The following CADM2 variants were observed in gnomAD, a reference collection of about 807,000 sequenced individuals.
CADM2 encodes cell adhesion molecule 2.
A neutral mutation model predicts 49.8 loss-of-function variants in CADM2; 12 were observed. The ratio of observed to expected loss-of-function variants is 0.24; its 90% CI spans 0.15 to 0.39. CADM2 has a LOEUF of 0.39. Ranked by LOEUF, CADM2 falls within the 10% of genes least tolerant of loss-of-function variation. CADM2 has a pLI of 1.00. For missense variants in CADM2, 378 were observed against 492.3 expected (o/e 0.77, Z 2.20); for synonymous variants, 214 against 175.4 (o/e 1.22, Z -1.74).
intron 1 of CADM2, among the ~76,000 whole-genome samples, chr3:85,384,394 C>T (rs2034091068): frequency 6.6e-6 from 1 of 151,990 alleles, no homozygotes; most frequent in Admixed American, 6.6e-5. Flanking sequence ...TTGCTGCAAC[C>T]TCCACCTGCG....
intron 1 of CADM2, among the ~76,000 whole-genome samples, chr3:85,620,043 T>C (rs1204092821): frequency 6.6e-6 from 1 of 152,144 alleles, no homozygotes; most frequent in African/African-American, 2.4e-5. Context: ...AGAGACACCA[T>C]GAATATGATG....
At position 85,509,669 on chromosome 3, in the gene CADM2, C is replaced by T. The variant is rs531177894; in HGVS notation, c.62-216853C>T. Reference sequence around the variant, plus strand: ...GGTTTGTTAGCAATATCCTATTTTACAGAAAAGCATTGTGAGATGTGTGAC... The same window carrying T: ...GGTTTGTTAGCAATATCCTATTTTATAGAAAAGCATTGTGAGATGTGTGAC... On this transcript the variant is annotated intron_variant, in intron 1 of 9. Transcript: ENST00000383699. Among the ~76,000 whole-genome samples, 14 of 152,090 alleles carry T rather than the reference C, an allele frequency of 9.2e-5. No homozygotes were observed. The South Asian group carries it at 2.9e-3, about 32-fold the overall frequency.
At chr3:86,006,387 C>G (rs1387331052) in intron 8 of CADM2, among the ~76,000 whole-genome samples, 1 of 152,122 alleles carries the variant, frequency 6.6e-6, no homozygotes, top group Non-Finnish European at 1.5e-5. Flanking sequence ...GTACATATGT[C>G]TTGGTATTAC....
At chr3:85,668,339 CA>C in intron 1 of CADM2, among the ~76,000 whole-genome samples, 1 of 111,558 alleles carries the variant, frequency 9.0e-6, no homozygotes, top group East Asian at 2.5e-4. Flanking sequence ...CACAAACAAA[CA>C]AAAAAACACC....
chr3:85,246,140 T>C (rs1263660574), intron 1 of CADM2, among the ~76,000 whole-genome samples: 6 of 152,168 alleles, frequency 3.9e-5, no homozygotes, highest in Non-Finnish European at 8.8e-5. Context: ...GTTCATGTCC[T>C]TTGTAGGTAC....
Position 85,367,942 on chromosome 3 carries a change from C to G in CADM2, c.62-358580C>G, listed in dbSNP as rs137977361. On this transcript the variant is annotated intron_variant, in intron 1 of 9. Transcript: ENST00000383699. ...CTTGAAACTGACAATATGACCTTCTCAAAAGTATGGTAAGAATTGGAATAG... is the reference window on the plus strand; with the variant it reads ...CTTGAAACTGACAATATGACCTTCTGAAAAGTATGGTAAGAATTGGAATAG... Among the ~76,000 whole-genome samples the G allele has an allele frequency of 2.5e-3, 379 of 151,846 alleles. 1 individual carries two copies. Among genetic ancestry groups the G allele is most frequent in the African/African-American group, 8.7e-3 (362 of 41,420 alleles).
intron 2 of CADM2, among the ~76,000 whole-genome samples, chr3:85,784,530 TTATCTATCTATC>T (rs71112118): frequency 0.16 from 22,112 of 142,198 alleles, 1,887 homozygotes; most frequent in African/African-American, 0.24. Context: ...CTAAATATAT[TTATCTATCTATC>T]TATCTATCTA....
At chr3:85,702,753 A>AGT (rs1312330674) in intron 1 of CADM2, among the ~76,000 whole-genome samples, 3 of 152,124 alleles carry the variant, frequency 2.0e-5, no homozygotes. Context: ...TTGTTTGCTT[A>AGT]TGTGTTTACT....
chr3:85,563,376 A>G (rs1027546322), intron 1 of CADM2, among the ~76,000 whole-genome samples: 1 of 143,976 alleles, frequency 6.9e-6, no homozygotes, highest in Non-Finnish European at 1.5e-5. Flanking sequence ...AAATGATTCT[A>G]CGTATTGCAA....
chr3:86,043,744 C>T (rs767147760), intron 8 of CADM2, among the ~76,000 whole-genome samples: 2 of 152,248 alleles, frequency 1.3e-5, no homozygotes, highest in Admixed American at 6.5e-5. Context: ...AAAGAGACCA[C>T]CTTGCCAAGT....
At chr3:85,060,258 G>A (rs1399763917) in intron 1 of CADM2, among the ~76,000 whole-genome samples, 4 of 151,898 alleles carry the variant, frequency 2.6e-5, no homozygotes, top group African/African-American at 4.8e-5. Flanking sequence ...AGCCTCCTAA[G>A]TGGGATTACA....
chr3:86,065,326 G>A (rs1739180128), intron 8 of CADM2, among the ~76,000 whole-genome samples: 1 of 152,122 alleles, frequency 6.6e-6, no homozygotes, highest in Non-Finnish European at 1.5e-5. Context: ...GAGGAGGAAG[G>A]AAAGGTCTAT....
chr3:84,991,510 C>A (rs562760957), intron 1 of CADM2, among the ~76,000 whole-genome samples: 32 of 152,200 alleles, frequency 2.1e-4, no homozygotes, highest in African/African-American at 7.0e-4. Flanking sequence ...AGGAAAAAAA[C>A]TAATAGTCTT....
chr3:85,635,928 T>C (rs1323978763), intron 1 of CADM2, among the ~76,000 whole-genome samples: 2 of 152,180 alleles, frequency 1.3e-5, no homozygotes, highest in East Asian at 1.9e-4. Context: ...CATTGTCATA[T>C]AGAACAATAC....
chr3:85,451,726 T>C (rs1277729162), intron 1 of CADM2, among the ~76,000 whole-genome samples: 1 of 152,146 alleles, frequency 6.6e-6, no homozygotes, highest in Non-Finnish European at 1.5e-5. Context: ...GGCAGATGCC[T>C]TTAAAATGAC....
chr3:85,743,715 TA>T (rs1281892722), intron 2 of CADM2, among the ~76,000 whole-genome samples: 2 of 152,164 alleles, frequency 1.3e-5, no homozygotes, highest in Admixed American at 1.3e-4. Flanking sequence ...ATACACTGAA[TA>T]GCGCAAAGAG....
At chr3:84,988,651 A>G (rs1287616079) in intron 1 of CADM2, among the ~76,000 whole-genome samples, 1 of 151,624 alleles carries the variant, frequency 6.6e-6, no homozygotes, top group African/African-American at 2.4e-5. Flanking sequence ...CTTTCATCCT[A>G]TTTATTGACT....
chr3:85,031,752 C>CCTCGTGA (rs2034996572), intron 1 of CADM2, among the ~76,000 whole-genome samples: 1 of 151,846 alleles, frequency 6.6e-6, no homozygotes, highest in Non-Finnish European at 1.5e-5. Flanking sequence ...GATCTGCTGA[C>CCTCGTGA]CTCGTGATCC....
In CADM2 at chr3:86,041,060, C is replaced by A. The variant is rs572475245; in HGVS notation, c.971-24545C>A. ...AGATTTTGTCACCACCAGGCCTGCCCTAAAAGAGCTCCTGAAGGAAACACT... is the reference window on the plus strand; with the variant it reads ...AGATTTTGTCACCACCAGGCCTGCCATAAAAGAGCTCCTGAAGGAAACACT... On this transcript the variant is annotated intron_variant, in intron 8 of 9. Transcript: ENST00000383699. 1.7e-4 allele frequency among the ~76,000 whole-genome samples: 26 copies of A among 152,204 alleles called. No individual in the cohort carries two copies. The South Asian group carries it at 5.0e-3, about 29-fold the overall frequency.
Sources: gnomAD v4.1 joint callset for allele counts (sites outside exome capture counted in the v4.1 genomes callset) on GRCh38, gnomAD v4.1.1 for gene constraint, MANE v1.5 for transcripts, NCBI Gene and HGNC (gene_info 2026-07-23, HGNC 2026-07-21) for gene names.